MGAT4C: variants seen among roughly 807,000 people sequenced by gnomAD.
MGAT4C encodes alpha-1,3-mannosyl-glycoprotein 4-beta-N-acetylglucosaminyltransferase C.
MGAT4C carries 19 observed loss-of-function variants against 40.1 expected under a neutral mutation model. The observed-to-expected ratio is 0.47, with a 90% CI of 0.33 to 0.70. MGAT4C has a LOEUF of 0.70. Among genes scored for constraint, MGAT4C ranks in the 30% least tolerant of loss-of-function variants. The probability of loss-of-function intolerance (pLI) is 0.02; values close to 1 mark genes in which losing one functional copy is unlikely to be tolerated. For synonymous variants in MGAT4C, 181 were observed against 187.1 expected, an observed-to-expected ratio of 0.97 and a Z score of 0.27; for missense variants, 491 against 563.2, an observed-to-expected ratio of 0.87 and a Z score of 1.30.
intron 2 of MGAT4C, among the ~76,000 whole-genome samples, chr12:86,536,807 T>C (rs1959077640): frequency 6.6e-6 from 1 of 152,222 alleles, no homozygotes; most frequent in African/African-American, 2.4e-5. Flanking sequence ...GAAGTCAGTG[T>C]GGCGATTCCT....
intron 2 of MGAT4C, among the ~76,000 whole-genome samples, chr12:86,681,749 C>T (rs965125958): frequency 6.6e-6 from 1 of 151,860 alleles, no homozygotes; most frequent in African/African-American, 2.4e-5. Flanking sequence ...TAATACATTG[C>T]AGTTCTGATA....
At position 85,979,664 on chromosome 12, in the gene MGAT4C, A is replaced by G. The variant is rs1476508920; in HGVS notation, c.1062T>C (p.Asn354=). 1.2e-6 allele frequency: 2 copies of G among 1,612,992 alleles called. No individual in the cohort carries two copies. The highest frequency in any genetic ancestry group is 1.7e-5 in the Admixed American group (1 of 59,872). ...TACTGTAAGCCTTGCTTGCTTCATA[A>G]TTTTCAAACACATTCATGTTGGTGT... ...SLYTNMNVFE[N]YEASKAYSSV... Residue 354 remains asparagine, a synonymous_variant, in exon 5 of 5, where the codon AAT becomes AAC. Coordinates refer to ENST00000611864, the MANE Select transcript of MGAT4C (RefSeq NM_001351288.2).
chr12:86,061,319 A>C (rs1259275800), intron 1 of MGAT4C, among the ~76,000 whole-genome samples: 2 of 151,982 alleles, frequency 1.3e-5, no homozygotes, highest in African/African-American at 4.8e-5. Context: ...GGAACGGTGC[A>C]CTCCAGCCCA....
chr12:86,511,833 A>T (rs1313910004), intron 2 of MGAT4C, among the ~76,000 whole-genome samples: 1 of 152,192 alleles, frequency 6.6e-6, no homozygotes, highest in African/African-American at 2.4e-5. Flanking sequence ...CATTGGTCTT[A>T]GCAATAGTTT....
At chr12:86,285,691 AC>A (rs35027178) in intron 4 of MGAT4C, among the ~76,000 whole-genome samples, 132,030 of 151,870 alleles carry the variant, frequency 0.87, 57,499 homozygotes, top group East Asian at 1. Context: ...ATATAAATAT[AC>A]CCCTGATGTC....
chr12:86,822,347 C>T (rs1020467849), intron 1 of MGAT4C, among the ~76,000 whole-genome samples: 1 of 150,882 alleles, frequency 6.6e-6, no homozygotes, highest in African/African-American at 2.4e-5. Flanking sequence ...GGAAATCTTC[C>T]CTTACTAAGT....
intron 2 of MGAT4C, 113 bp from the exon 3 acceptor site, chr12:85,989,665 T>A: frequency 1.0e-6 from 1 of 984,332 alleles, no homozygotes; most frequent in Non-Finnish European, 1.4e-6. Flanking sequence ...ATGTTTGAAT[T>A]AAAATTCTGT....
At chr12:86,636,718 T>C (rs1045200861) in intron 2 of MGAT4C, among the ~76,000 whole-genome samples, 1 of 152,030 alleles carries the variant, frequency 6.6e-6, no homozygotes, top group African/African-American at 2.4e-5. Flanking sequence ...TAAAATAATA[T>C]ATTGCTTTTA....
intron 1 of MGAT4C, among the ~76,000 whole-genome samples, chr12:86,803,420 C>A (rs1001551066): frequency 1.3e-5 from 2 of 151,808 alleles, no homozygotes; most frequent in African/African-American, 4.8e-5. Context: ...CAAATGGGAT[C>A]TAATTAAACT....
intron 3 of MGAT4C, among the ~76,000 whole-genome samples, chr12:86,401,940 C>T (rs912229648): frequency 2.0e-5 from 3 of 151,952 alleles, no homozygotes; most frequent in Non-Finnish European, 2.9e-5. Flanking sequence ...CTTGTACAAG[C>T]GCTTACAAAC....
At chr12:86,720,777 A>C (rs1950723519) in intron 2 of MGAT4C, among the ~76,000 whole-genome samples, 1 of 152,232 alleles carries the variant, frequency 6.6e-6, no homozygotes, top group Non-Finnish European at 1.5e-5. Context: ...CATGTTAAAA[A>C]TGAAATTTGG....
chr12:86,652,870 A>T (rs1963731361), intron 2 of MGAT4C, among the ~76,000 whole-genome samples: 1 of 151,836 alleles, frequency 6.6e-6, no homozygotes, highest in Non-Finnish European at 1.5e-5. Context: ...ATTTCACTTA[A>T]ACTCATTTGA....
chr12:86,438,533 A>G (rs1290687615), intron 2 of MGAT4C, among the ~76,000 whole-genome samples: 1 of 151,990 alleles, frequency 6.6e-6, no homozygotes, highest in East Asian at 1.9e-4. Flanking sequence ...TTCTAATAGA[A>G]GATGGCATCC....
chr12:86,358,592 G>T (rs1258119055), intron 3 of MGAT4C, among the ~76,000 whole-genome samples: 1 of 152,128 alleles, frequency 6.6e-6, no homozygotes, highest in African/African-American at 2.4e-5. Flanking sequence ...CATCTCATGT[G>T]CAGAGACACA....
rs149891889 is a variant in MGAT4C at position 86,041,500 on chromosome 12, G to T, written c.-7+8174C>A. On this transcript the variant is annotated intron_variant, in intron 2 of 4. Transcript: ENST00000611864. Reference sequence around the variant, plus strand: ...TTAACATTACTTTTGCTTTGTCCCAGAGATTCTGGTATGTTGTATCTTTGT... The same window carrying T: ...TTAACATTACTTTTGCTTTGTCCCATAGATTCTGGTATGTTGTATCTTTGT... Among the ~76,000 whole-genome samples, 660 of 152,214 alleles carry T rather than the reference G, an allele frequency of 4.3e-3. 3 individuals are homozygous for T. Among genetic ancestry groups the T allele is most frequent in the African/African-American group, 0.016 (644 of 41,542 alleles).
intron 1 of MGAT4C, among the ~76,000 whole-genome samples, chr12:86,735,152 G>A (rs1219245858): frequency 6.6e-6 from 1 of 151,894 alleles, no homozygotes; most frequent in South Asian, 2.1e-4. Context: ...TAATGAGTGC[G>A]AGATTAGAAC....
chr12:86,459,360 G>A (rs1957557781), intron 2 of MGAT4C, among the ~76,000 whole-genome samples: 1 of 151,948 alleles, frequency 6.6e-6, no homozygotes, highest in South Asian at 2.1e-4. Flanking sequence ...TAACCAAGAG[G>A]GAGCCTATAT....
At chr12:86,706,608 T>C (rs1199024619) in intron 2 of MGAT4C, among the ~76,000 whole-genome samples, 2 of 152,122 alleles carry the variant, frequency 1.3e-5, no homozygotes, top group African/African-American at 4.8e-5. Flanking sequence ...TAGTACATTC[T>C]TTAGCCCCCA....
chr12:86,362,708 A>G (rs1314876242), intron 3 of MGAT4C, among the ~76,000 whole-genome samples: 2 of 122,974 alleles, frequency 1.6e-5, no homozygotes, highest in Admixed American at 8.4e-5. Context: ...CTAAAAATAC[A>G]AAAAAAAAAT....
Sources: allele counts gnomAD v4.1 joint callset (sites outside exome capture counted in the v4.1 genomes callset), GRCh38; gene constraint gnomAD v4.1.1; transcripts MANE v1.5; gene names NCBI Gene and HGNC (gene_info 2026-07-23, HGNC 2026-07-21).